The following RNF150 variants were observed in gnomAD, a reference collection of about 807,000 sequenced individuals.
The protein encoded by RNF150 is ring finger protein 150.
RNF150 carries 24 observed loss-of-function variants against 39.3 expected under a neutral mutation model. The ratio of observed to expected loss-of-function variants is 0.61; its 90% confidence interval spans 0.44 to 0.86. The LOEUF (loss-of-function observed/expected upper bound fraction) is 0.86. RNF150 is among the 40% of genes least tolerant of loss of function. The pLI is 0.00. For synonymous variants in RNF150, 255 were observed against 227.3 expected (o/e 1.12, Z -1.10); for missense variants, 502 against 587.8 (o/e 0.85, Z 1.51).
Position 141,184,961 on chromosome 4 carries a change from T to C in RNF150, c.-6+27833A>G, listed in dbSNP as rs150396070. 7.2e-4 allele frequency among the ~76,000 whole-genome samples: 110 copies of C among 152,172 alleles called. 3 individuals are homozygous for C. The East Asian group carries it at 0.021, about 29-fold the overall frequency. On this transcript the variant is annotated intron_variant, in intron 1 of 7. Coordinates refer to the RNF150 transcript ENST00000420921. ...TATAGTTTGAAGTCAGGTAGCCTGA[T>C]GCCTCCAGCTGTGTTCTTTTTGCTT...
intron 6 of RNF150, among the ~76,000 whole-genome samples, chr4:140,898,851 A>G (rs572162579): frequency 6.6e-6 from 1 of 152,132 alleles, no homozygotes; most frequent in Admixed American, 6.5e-5. Flanking sequence ...TTCTTGTTGC[A>G]CAGCAGGAGT....
At chr4:140,970,428 A>G (rs895813441) in intron 1 of RNF150, among the ~76,000 whole-genome samples, 1 of 151,958 alleles carries the variant, frequency 6.6e-6, no homozygotes, top group South Asian at 2.1e-4. Flanking sequence ...AGCTTTTAAC[A>G]TATTTACTAT....
At chr4:140,939,384 C>T (rs1406554459) in intron 4 of RNF150, among the ~76,000 whole-genome samples, 1 of 152,070 alleles carries the variant, frequency 6.6e-6, no homozygotes, top group East Asian at 1.9e-4. Context: ...TTCTATGTCC[C>T]AAATTACAAA....
intron 1 of RNF150, among the ~76,000 whole-genome samples, chr4:140,988,226 G>A (rs1005612201): frequency 3.9e-5 from 6 of 151,980 alleles, no homozygotes; most frequent in African/African-American, 7.2e-5. Context: ...CAGAACTACC[G>A]TTCAATCCAG....
intron 1 of RNF150, among the ~76,000 whole-genome samples, chr4:141,095,609 C>G (rs1296694206): frequency 6.6e-6 from 1 of 152,128 alleles, no homozygotes; most frequent in Non-Finnish European, 1.5e-5. Context: ...TGGTTGCATA[C>G]AATTTGCATA....
At chr4:141,037,628 T>C (rs1736195250) in intron 1 of RNF150, among the ~76,000 whole-genome samples, 1 of 152,204 alleles carries the variant, frequency 6.6e-6, no homozygotes, top group South Asian at 2.1e-4. Flanking sequence ...TGAATCAGTT[T>C]TGCAATAAAC....
At chr4:140,895,581 C>T (rs1207217123) in intron 6 of RNF150, among the ~76,000 whole-genome samples, 2 of 152,194 alleles carry the variant, frequency 1.3e-5, no homozygotes, top group East Asian at 3.8e-4. Flanking sequence ...TCCCAGAACA[C>T]ATTGTCTATA....
chr4:140,859,808 C>T lies in RNF150; in HGVS notation c.*8453G>A, dbSNP rs1728408427. 6.6e-6 allele frequency: 1 copy of T among 152,196 alleles called. No homozygotes were observed. The highest frequency in any genetic ancestry group is 1.5e-5 in the Non-Finnish European group (1 of 68,034). The allele number at this position is 152,196 out of a possible 1,614,324, so 9.4% of individuals were successfully genotyped here. On this transcript the variant is annotated 3_prime_UTR_variant, in exon 7 of 7. Transcript: ENST00000515673. The stretch of plus-strand genomic sequence containing the variant: ...ATACAGATGACACAGACACAAGCAT[C>T]TGGTTCCATTTTATTAAAAAACAAA...
intron 1 of RNF150, among the ~76,000 whole-genome samples, chr4:141,040,149 C>T (rs1560704047): frequency 7.2e-6 from 1 of 139,626 alleles, no homozygotes; most frequent in African/African-American, 2.6e-5. Context: ...GCAAGAACCC[C>T]GGGTGCTGGT....
chr4:141,097,796 A>G (rs1738856525), intron 1 of RNF150, among the ~76,000 whole-genome samples: 1 of 151,170 alleles, frequency 6.6e-6, no homozygotes, highest in Non-Finnish European at 1.5e-5. Flanking sequence ...TGACCTTGCT[A>G]TTTTTTACGG....
intron 1 of RNF150, among the ~76,000 whole-genome samples, chr4:141,004,425 T>C (rs1393614175): frequency 6.6e-6 from 1 of 152,008 alleles, no homozygotes; most frequent in African/African-American, 2.4e-5. Flanking sequence ...TCAGCAGAGA[T>C]GGAGGGTGGG....
chr4:140,957,161 C>A (rs1732792659), intron 2 of RNF150, among the ~76,000 whole-genome samples: 1 of 151,466 alleles, frequency 6.6e-6, no homozygotes, highest in South Asian at 2.1e-4. Flanking sequence ...ACTCATCTGA[C>A]AAAGGGCTAA....
chr4:141,013,665 A>C (rs1028335957), intron 1 of RNF150, among the ~76,000 whole-genome samples: 1 of 152,202 alleles, frequency 6.6e-6, no homozygotes, highest in Non-Finnish European at 1.5e-5. Flanking sequence ...TCTAGAGAAA[A>C]GCATGCTGAA....
chr4:140,885,107 C>G (rs1293883044), intron 6 of RNF150, among the ~76,000 whole-genome samples: 1 of 151,914 alleles, frequency 6.6e-6, no homozygotes, highest in Non-Finnish European at 1.5e-5. Flanking sequence ...CTGTCACTTC[C>G]AAACAGTTTT....
At chr4:141,085,259 A>G (rs1302698997) in intron 1 of RNF150, among the ~76,000 whole-genome samples, 1 of 152,178 alleles carries the variant, frequency 6.6e-6, no homozygotes, top group African/African-American at 2.4e-5. Context: ...TCTCATGAGA[A>G]CAGCATGGGA....
chr4:141,026,158 G>T (rs1389963025), intron 1 of RNF150, among the ~76,000 whole-genome samples: 3 of 152,112 alleles, frequency 2.0e-5, no homozygotes, highest in African/African-American at 2.4e-5. Flanking sequence ...CCAGTCTATG[G>T]TGCTTTTATG....
chr4:140,869,405 T>A (rs973658058), intron 6 of RNF150, among the ~76,000 whole-genome samples: 1 of 151,686 alleles, frequency 6.6e-6, no homozygotes, highest in Non-Finnish European at 1.5e-5. Flanking sequence ...CTGTTAACAT[T>A]TTTTTTCAGT....
In RNF150 at chr4:141,152,656, C is replaced by G. The variant is rs568622089; in HGVS notation, c.-6+60138G>C. Among the ~76,000 whole-genome samples, 217 of 152,234 alleles carry G rather than the reference C, an allele frequency of 1.4e-3. 1 individual carries two copies. Among genetic ancestry groups the G allele is most frequent in the African/African-American group, 5.0e-3 (206 of 41,542 alleles). On this transcript the variant is annotated intron_variant, in intron 1 of 7. Coordinates refer to the RNF150 transcript ENST00000420921. ...ATTTACTTTATCACCATTATAAGGG[C>G]TCACTCCTAATTTTATCCTGCCCCA...
rs397995597 is a variant in RNF150, at chr4:141,012,781, CAAAA to C, written c.485-44912_485-44909del. Among the ~76,000 whole-genome samples the C allele has an allele frequency of 1.1e-4, 8 of 71,430 alleles. 1 individual carries two copies. The highest frequency in any genetic ancestry group is 1.8e-4 in the Non-Finnish European group (7 of 39,894). The allele number at this position is 71,430 out of a possible 152,430, so 46.9% of individuals were successfully genotyped here. On this transcript the variant is annotated intron_variant, in intron 1 of 6. Transcript: ENST00000515673. ...CTGGTGACAGAGTAAGACTCTGTCT[CAAAA>C]AAAAAAAAAAAAAAAAAGGCATCCC...
Sources: allele counts gnomAD v4.1 joint callset (sites outside exome capture counted in the v4.1 genomes callset), GRCh38; gene constraint gnomAD v4.1.1; transcripts MANE v1.5; gene names NCBI Gene and HGNC (gene_info 2026-07-23, HGNC 2026-07-21).